Variants in INPP4A observed in about 807,000 individuals in gnomAD.
INPP4A encodes the protein inositol polyphosphate-4-phosphatase, type I, 107kD.
A neutral mutation model predicts 119.8 loss-of-function variants in INPP4A; 33 were observed. The ratio of observed to expected loss-of-function variants is 0.28; its 90% CI spans 0.21 to 0.37. The LOEUF (loss-of-function observed/expected upper bound fraction) is 0.37, where lower values mean the gene tolerates loss of function less well. Among genes scored for constraint, INPP4A ranks in the 10% least tolerant of loss-of-function variants. The probability of loss-of-function intolerance (pLI) is 1.00; values close to 1 mark genes in which losing one functional copy is unlikely to be tolerated. For missense variants in INPP4A, 956 were observed against 1,289.9 expected (o/e 0.74, Z 3.97); for synonymous variants, 496 against 500.7 (o/e 0.99, Z 0.12).
intron 24 of INPP4A, chr2:98,581,787 GA>G (rs1699351320): frequency 6.3e-7 from 1 of 1,594,466 alleles, no homozygotes; most frequent in East Asian, 2.3e-5. Flanking sequence ...TAAGTCACAA[GA>G]AAAACAAAAG....
intron 9 of INPP4A, 58 bp downstream of exon 9, chr2:98,539,039 G>T (rs1010326248): frequency 1.0e-6 from 1 of 998,402 alleles, no homozygotes; most frequent in Non-Finnish European, 1.5e-6. Flanking sequence ...ACTTGGGCCC[G>T]CAGTCCCCTT....
Position 98,520,069 on chromosome 2 carries a change from C to A in INPP4A, c.21C>A (p.Ser7Arg). MTAREH[S>R]PRHGARARAM... ...ACATCATGACAGCAAGAGAGCACAG[C>A]CCTCGCCATGGTGCCAGGGCCCGTG... Residue 7 changes from serine (S) to arginine (R), a missense_variant, in exon 3 of 25, where the codon AGC becomes AGA. Physicochemically the swap from Ser to Arg is moderately radical, Grantham distance 110. This residue lies in a region of INPP4A where 652 missense variants were observed against 797.9 expected (regional missense o/e 0.82). Transcript: ENST00000409851. 1 of 1,583,724 alleles carries A rather than the reference C, an allele frequency of 6.3e-7. No homozygotes were observed. The highest frequency in any genetic ancestry group is 8.6e-7 in the Non-Finnish European group (1 of 1,163,546).
intron 1 of INPP4A, among the ~76,000 whole-genome samples, chr2:98,462,700 T>C (rs999657441): frequency 2.0e-5 from 3 of 150,890 alleles, no homozygotes; most frequent in Middle Eastern, 3.4e-3. Context: ...TAATTTTTAA[T>C]TTTTTTTTGT....
In INPP4A at chr2:98,572,943, A is replaced by C. The variant is rs1367022851; in HGVS notation, c.2631+16A>C. On this transcript the variant is annotated intron_variant, in intron 23 of 24. Transcript: ENST00000409851. ...AGCTGCTGAGGTACTGGTTACAGAGAGGAAAAGGAGGCTATTGCGGTGCCC... is the reference window on the plus strand; with the variant it reads ...AGCTGCTGAGGTACTGGTTACAGAGCGGAAAAGGAGGCTATTGCGGTGCCC... 6.5e-7 allele frequency: 1 copy of C among 1,537,116 alleles called. No homozygotes were observed. The highest frequency in any genetic ancestry group is 1.2e-5 in the South Asian group (1 of 83,922).
At chr2:98,489,578 G>A (rs2105203407) in intron 1 of INPP4A, among the ~76,000 whole-genome samples, 1 of 152,178 alleles carries the variant, frequency 6.6e-6, no homozygotes, top group Non-Finnish European at 1.5e-5. Flanking sequence ...AGCAGTATAG[G>A]GTCTTTTATC....
At chr2:98,579,343 G>A (rs570365682) in intron 24 of INPP4A, among the ~76,000 whole-genome samples, 1 of 152,292 alleles carries the variant, frequency 6.6e-6, no homozygotes, top group East Asian at 1.9e-4. Flanking sequence ...GAGCCACCAT[G>A]CCCAGCCGCA....
chr2:98,453,354 T>C (rs1343860592), intron 1 of INPP4A, among the ~76,000 whole-genome samples: 1 of 152,232 alleles, frequency 6.6e-6, no homozygotes, highest in Non-Finnish European at 1.5e-5. Context: ...TGAAATCAAT[T>C]TGAGGTTGTA....
In INPP4A at chr2:98,554,504, G is replaced by T. The variant is rs778600798; in HGVS notation, c.1566+15G>T. ...AGGAGGAGTGGGTGAGTCTGCTGCT[G>T]TGGCTGTCATCCCACTGCTGAACTT... On this transcript the variant is annotated intron_variant, in intron 15 of 24. Coordinates refer to ENST00000409851, the MANE Select transcript of INPP4A (RefSeq NM_001134225.2). This position sits in a 1 kb window ranked among gnomAD's most constrained non-coding sequence, Gnocchi z 4.7. 5.6e-6 allele frequency: 9 copies of T among 1,607,418 alleles called. No homozygotes were observed. The highest frequency in any genetic ancestry group is 1.3e-5 in the African/African-American group (1 of 74,840).
intron 1 of INPP4A, among the ~76,000 whole-genome samples, chr2:98,485,250 A>G (rs946100130): frequency 1.1e-4 from 17 of 152,248 alleles, no homozygotes; most frequent in African/African-American, 4.1e-4. Context: ...TTTAGACTGA[A>G]ATAAAAACCT....
intron 18 of INPP4A, among the ~76,000 whole-genome samples, 152 bp downstream of exon 18, chr2:98,563,789 A>T (rs868253526): frequency 1.3e-5 from 2 of 152,110 alleles, no homozygotes; most frequent in South Asian, 4.2e-4. Flanking sequence ...TTTAATAGAG[A>T]GGTCTACATT....
chr2:98,456,997 G>T (rs190909165), intron 1 of INPP4A, among the ~76,000 whole-genome samples: 1 of 152,320 alleles, frequency 6.6e-6, no homozygotes, highest in African/African-American at 2.4e-5. Flanking sequence ...GAGTGGGTGG[G>T]TTTTTATTTC....
intron 1 of INPP4A, among the ~76,000 whole-genome samples, chr2:98,465,043 G>A (rs913274670): frequency 6.6e-6 from 1 of 152,206 alleles, no homozygotes; most frequent in Admixed American, 6.5e-5. Context: ...TTCCTACCAC[G>A]TGCCAGATAG....
chr2:98,500,238 C>A (rs776812373), intron 1 of INPP4A, among the ~76,000 whole-genome samples: 3 of 152,046 alleles, frequency 2.0e-5, no homozygotes, highest in Non-Finnish European at 4.4e-5. Context: ...GAATATTATC[C>A]CCACTTTATG....
chr2:98,469,804 CA>C (rs934272895), intron 1 of INPP4A, among the ~76,000 whole-genome samples: 23 of 152,020 alleles, frequency 1.5e-4, no homozygotes. Flanking sequence ...AATTCCGTCT[CA>C]AACAACAACA....
intron 1 of INPP4A, among the ~76,000 whole-genome samples, chr2:98,475,689 G>A (rs1386725152): frequency 1.3e-5 from 2 of 152,186 alleles, no homozygotes; most frequent in Non-Finnish European, 1.5e-5. Context: ...GCTGGGGCAT[G>A]CTGGGCTGTG....
At chr2:98,495,804 C>T (rs1041111085) in intron 1 of INPP4A, among the ~76,000 whole-genome samples, 10 of 151,510 alleles carry the variant, frequency 6.6e-5, no homozygotes, top group African/African-American at 1.7e-4. Context: ...AGCTCTTATA[C>T]GACCTAAAAT....
chr2:98,518,576 C>T (rs1013965079), intron 1 of INPP4A, among the ~76,000 whole-genome samples: 3 of 152,186 alleles, frequency 2.0e-5, no homozygotes, highest in African/African-American at 7.2e-5. Flanking sequence ...CATTGCAGCC[C>T]CATGAGATGG....
At chr2:98,463,389 C>T (rs1319230149) in intron 1 of INPP4A, among the ~76,000 whole-genome samples, 2 of 152,244 alleles carry the variant, frequency 1.3e-5, no homozygotes, top group East Asian at 3.8e-4. Context: ...GAGGCTGGTT[C>T]TGGCCATGCC....
At position 98,566,011 on chromosome 2, in the gene INPP4A, C is replaced by T; in HGVS notation, c.2280-18C>T. The stretch of plus-strand genomic sequence containing the variant: ...CCTCTGGCCTCACACTGCTCTCCCT[C>T]TCTCCACCTTTCTCCAGCGACGGGT... On this transcript the variant is annotated intron_variant, in intron 20 of 24. Transcript: ENST00000409851. The surrounding 1 kb of genome is among the most constrained non-coding windows in gnomAD (Gnocchi z 4.2). The T allele has an allele frequency of 6.2e-7, 1 of 1,601,966 alleles. No individual in the cohort carries two copies. Among genetic ancestry groups the T allele is most frequent in the South Asian group, 1.1e-5 (1 of 89,486 alleles).
Sources: gnomAD v4.1 joint callset for allele counts (sites outside exome capture counted in the v4.1 genomes callset) on GRCh38, gnomAD v4.1.1 for gene constraint, gnomAD v4.1.1 regional missense constraint, Gnocchi (gnomAD v3.1) non-coding constraint, MANE v1.5 for transcripts, NCBI Gene and HGNC (gene_info 2026-07-23, HGNC 2026-07-21) for gene names.